Variants in UGP2 observed in about 807,000 individuals in gnomAD.
UGP2 encodes the protein UTP--glucose-1-phosphate uridylyltransferase.
A neutral mutation model predicts 49.0 loss-of-function variants in UGP2; 40 were observed. That is an observed-to-expected ratio of 0.82 (90% CI 0.63 to 1.06). The LOEUF is 1.06. Ranked by LOEUF, UGP2 falls within the 50% of genes least tolerant of loss-of-function variation. UGP2 has a pLI of 0.00. For synonymous variants in UGP2, 225 were observed against 213.0 expected (o/e 1.06, Z -0.49); for missense variants, 460 against 603.5 (o/e 0.76, Z 2.49).
At chr2:63,864,259 C>T (rs1670030257) in intron 3 of UGP2, among the ~76,000 whole-genome samples, 3 of 152,108 alleles carry the variant, frequency 2.0e-5, no homozygotes, top group Non-Finnish European at 4.4e-5. Flanking sequence ...AACTGAAGTT[C>T]AGAGTAAGTC....
At chr2:63,866,441 T>A (rs1379777378) in intron 3 of UGP2, among the ~76,000 whole-genome samples, 1 of 152,210 alleles carries the variant, frequency 6.6e-6, no homozygotes, top group Non-Finnish European at 1.5e-5. Context: ...GTATATGTGC[T>A]CAGTGTAGCA....
chr2:63,890,808 T>C (rs924261110), intron 9 of UGP2, among the ~76,000 whole-genome samples: 1 of 152,050 alleles, frequency 6.6e-6, no homozygotes, highest in Non-Finnish European at 1.5e-5. Context: ...TCTATGAAGG[T>C]TAGATAATGC....
upstream of UGP2, chr2:63,841,318 C>G (rs1471648624): frequency 6.6e-6 from 1 of 151,998 alleles, no homozygotes; most frequent in Admixed American, 6.6e-5. Flanking sequence ...CTCGCTGGCC[C>G]GCTGTGTGGT....
intron 8 of UGP2, chr2:63,889,408 G>C (rs952692262): frequency 6.6e-6 from 1 of 152,078 alleles, no homozygotes; most frequent in Non-Finnish European, 1.5e-5. Flanking sequence ...GCCATAAGAA[G>C]GGATCTGATG....
chr2:63,886,784 G>C (rs558027788), intron 7 of UGP2, among the ~76,000 whole-genome samples: 30 of 152,294 alleles, frequency 2.0e-4, no homozygotes, highest in Non-Finnish European at 3.4e-4. Context: ...TTCAAAAGTA[G>C]AGAACCTACT....
chr2:63,857,550 A>G (rs747315237), intron 2 of UGP2: 2 of 477,122 alleles, frequency 4.2e-6, no homozygotes, highest in Non-Finnish European at 8.3e-6. Context: ...TTTTTTGTAG[A>G]CACCGGGTTT....
In UGP2 at chr2:63,884,009, C is replaced by G; in HGVS notation, c.491C>G (p.Ser164Cys). The change falls in exon 5 of 10, where the codon TCT (serine) becomes TGT (cysteine). Residue 164 changes from serine (S) to cysteine (C), a missense_variant. By Grantham distance (112) the Ser-to-Cys change is moderately radical. This residue lies in a region of UGP2 where 317 missense variants were observed against 473.0 expected (regional missense o/e 0.67). Transcript: ENST00000337130. ...GATGTTCCTCTTGTTTTAATGAACT[C>G]TTTTAACACGGATGAAGATACCAAA... The part of the protein sequence containing the change: ...NTDVPLVLMN[S>C]FNTDEDTKKI... 1 of 1,613,138 alleles carries G rather than the reference C, an allele frequency of 6.2e-7. No homozygotes were observed.
intron 3 of UGP2, among the ~76,000 whole-genome samples, chr2:63,862,019 CTG>C (rs748276556): frequency 8.6e-5 from 13 of 151,750 alleles, no homozygotes; most frequent in Admixed American, 1.3e-4. Flanking sequence ...CCGTAGTACA[CTG>C]TGCATTTAAA....
At chr2:63,845,983 T>A (rs1671901700) in intron 1 of UGP2, 1 of 152,244 alleles carries the variant, frequency 6.6e-6, no homozygotes, top group Non-Finnish European at 1.5e-5. Context: ...CACGTTTCTT[T>A]GGTCACATCC....
intron 3 of UGP2, among the ~76,000 whole-genome samples, chr2:63,860,295 A>G (rs1669748165): frequency 6.6e-6 from 1 of 152,244 alleles, no homozygotes; most frequent in African/African-American, 2.4e-5. Context: ...TGAGTTGACA[A>G]TTAGCAGAGT....
intron 3 of UGP2, among the ~76,000 whole-genome samples, chr2:63,864,433 A>G (rs991659762): frequency 1.3e-5 from 2 of 152,240 alleles, no homozygotes; most frequent in East Asian, 1.9e-4. Context: ...AGTAATAACA[A>G]TAGCAACAAA....
At chr2:63,861,697 A>AC (rs924647282) in intron 3 of UGP2, among the ~76,000 whole-genome samples, 20 of 150,736 alleles carry the variant, frequency 1.3e-4, no homozygotes, top group African/African-American at 3.2e-4. Flanking sequence ...CAAAAAAAAA[A>AC]AAAAAACAAA....
chr2:63,842,943 C>T (rs1671672254), intron 1 of UGP2, among the ~76,000 whole-genome samples: 1 of 152,136 alleles, frequency 6.6e-6, no homozygotes, highest in South Asian at 2.1e-4. Flanking sequence ...TTGGTGCTGG[C>T]ATAAACCTTT....
At chr2:63,854,117 A>G (rs1216158779) in intron 1 of UGP2, among the ~76,000 whole-genome samples, 1 of 152,256 alleles carries the variant, frequency 6.6e-6, no homozygotes, top group African/African-American at 2.4e-5. Flanking sequence ...GACTAAAAAA[A>G]CATGGCTTTG....
chr2:63,842,163 G>C lies in UGP2; in HGVS notation c.-23G>C. ...CTCTAGAAAAAAAAAAAAAAAGCCG[G>C]AGTATTTTACTAAGCCCCTAAAATG... On this transcript the variant is annotated 5_prime_UTR_variant, in exon 1 of 10. Transcript: ENST00000337130. The C allele has an allele frequency of 6.3e-7, 1 of 1,578,198 alleles. No individual in the cohort carries two copies. Among genetic ancestry groups the C allele is most frequent in the South Asian group, 1.2e-5 (1 of 84,880 alleles).
chr2:63,864,718 T>C (rs1025368216), intron 3 of UGP2, among the ~76,000 whole-genome samples: 1 of 152,226 alleles, frequency 6.6e-6, no homozygotes, highest in Non-Finnish European at 1.5e-5. Flanking sequence ...TTGAAAGTCT[T>C]TAAAGTATGG....
intron 3 of UGP2, among the ~76,000 whole-genome samples, chr2:63,859,989 C>A (rs1669722524): frequency 6.6e-6 from 1 of 152,144 alleles, no homozygotes; most frequent in Non-Finnish European, 1.5e-5. Flanking sequence ...TGTTTGTTCA[C>A]CTTGGTTCTT....
intron 7 of UGP2, among the ~76,000 whole-genome samples, 188 bp from the exon 8 acceptor site, chr2:63,887,214 G>A (rs542376250): frequency 1.3e-5 from 2 of 151,118 alleles, no homozygotes; most frequent in Non-Finnish European, 2.9e-5. Flanking sequence ...ACAGTGAGCC[G>A]AGATTGCGCC....
intron 3 of UGP2, among the ~76,000 whole-genome samples, chr2:63,873,084 A>G (rs1358663582): frequency 6.6e-6 from 1 of 152,244 alleles, no homozygotes; most frequent in East Asian, 1.9e-4. Context: ...AAGATACAGG[A>G]CACACATGAA....
Sources: gnomAD v4.1 joint callset for allele counts (sites outside exome capture counted in the v4.1 genomes callset) on GRCh38, gnomAD v4.1.1 for gene constraint, gnomAD v4.1.1 regional missense constraint, MANE v1.5 for transcripts, NCBI Gene and HGNC (gene_info 2026-07-23, HGNC 2026-07-21) for gene names.